Variants in TENM3 observed in about 807,000 individuals in gnomAD.
The protein encoded by TENM3 is teneurin transmembrane protein 3, also known as teneurin-3.
TENM3 carries 63 observed loss-of-function variants against 255.1 expected under a neutral mutation model. The ratio of observed to expected loss-of-function variants is 0.25; its 90% CI spans 0.20 to 0.30. The LOEUF is 0.30. Among genes scored for constraint, TENM3 ranks in the 10% least tolerant of loss-of-function variants. The probability of loss-of-function intolerance (pLI) is 1.00; values close to 1 mark genes in which losing one functional copy is unlikely to be tolerated. For synonymous variants in TENM3, 1,306 were observed against 1,322.3 expected, an observed-to-expected ratio of 0.99 and a Z score of 0.27; for missense variants, 2,929 against 3,461.1, an observed-to-expected ratio of 0.85 and a Z score of 3.86.
chr4:181,569,418 AT>A, the TENM3 span, among the ~76,000 whole-genome samples: 1 of 152,150 alleles, frequency 6.6e-6, no homozygotes, highest in African/African-American at 2.4e-5. Flanking sequence ...TTGTGTGTAC[AT>A]TTTTATTTCC....
chr4:182,595,777 A>G (rs1189133862), intron 3 of TENM3, among the ~76,000 whole-genome samples: 3 of 152,036 alleles, frequency 2.0e-5, no homozygotes, highest in Non-Finnish European at 4.4e-5. Flanking sequence ...TACCTTTTCT[A>G]AAATATCTAA....
chr4:181,946,436 C>T, the TENM3 span, among the ~76,000 whole-genome samples: 1 of 152,142 alleles, frequency 6.6e-6, no homozygotes, highest in East Asian at 1.9e-4. Context: ...GCTCTAAGGA[C>T]ACCTCTTTCA....
At chr4:181,449,542 C>A in the TENM3 span, among the ~76,000 whole-genome samples, 1 of 152,026 alleles carries the variant, frequency 6.6e-6, no homozygotes, top group Admixed American at 6.6e-5. Context: ...CCAACACTTT[C>A]GGAGACCGAG....
chr4:181,869,041 T>C, the TENM3 span, among the ~76,000 whole-genome samples: 1 of 152,162 alleles, frequency 6.6e-6, no homozygotes, highest in Non-Finnish European at 1.5e-5. Context: ...TCTTATACTA[T>C]TATTAAATGT....
the TENM3 span, among the ~76,000 whole-genome samples, chr4:181,768,594 C>T: frequency 6.6e-6 from 1 of 152,074 alleles, no homozygotes; most frequent in East Asian, 1.9e-4. Context: ...TAGTTTTTTT[C>T]CCTCATTAGC....
the TENM3 span, among the ~76,000 whole-genome samples, chr4:181,945,127 A>AT: frequency 3.4e-5 from 1 of 29,632 alleles, no homozygotes; most frequent in African/African-American, 2.0e-4. Flanking sequence ...TTGAGAAAGG[A>AT]ATGTGAATGG....
intron 3 of TENM3, among the ~76,000 whole-genome samples, chr4:182,460,067 G>T (rs897761890): frequency 2.0e-5 from 3 of 152,014 alleles, no homozygotes; most frequent in South Asian, 4.2e-4. Context: ...TTCTAACGAG[G>T]TACCTTGTTG....
At chr4:182,564,581 G>A (rs200018952) in intron 3 of TENM3, among the ~76,000 whole-genome samples, 1 of 137,364 alleles carries the variant, frequency 7.3e-6, no homozygotes. Context: ...TTTTTGTTTT[G>A]TTTTTTTTTT....
At chr4:182,327,020 G>C (rs1763457194) in intron 2 of TENM3, among the ~76,000 whole-genome samples, 1 of 152,174 alleles carries the variant, frequency 6.6e-6, no homozygotes, top group South Asian at 2.1e-4. Context: ...CGGAGTATTT[G>C]TAGCGGGAGT....
chr4:182,433,586 ATCACTTCG>A (rs1441912849), intron 3 of TENM3, among the ~76,000 whole-genome samples: 1 of 152,204 alleles, frequency 6.6e-6, no homozygotes, highest in Non-Finnish European at 1.5e-5. Flanking sequence ...ACTGAGAAAA[ATCACTTCG>A]TCAAGTGCAA....
At chr4:182,074,198 C>T in the TENM3 span, among the ~76,000 whole-genome samples, 2 of 152,176 alleles carry the variant, frequency 1.3e-5, no homozygotes, top group African/African-American at 4.8e-5. Flanking sequence ...AGATCACATC[C>T]AGGCTTTATA....
chr4:181,624,466 G>A, the TENM3 span, among the ~76,000 whole-genome samples: 1 of 152,204 alleles, frequency 6.6e-6, no homozygotes, highest in African/African-American at 2.4e-5. Context: ...ACAGCCTCAT[G>A]ACTGCAACAA....
At chr4:181,994,649 T>A in the TENM3 span, among the ~76,000 whole-genome samples, 2 of 150,452 alleles carry the variant, frequency 1.3e-5, no homozygotes, top group African/African-American at 4.9e-5. Flanking sequence ...ATCTATAAAC[T>A]GAACATTTTC....
the TENM3 span, among the ~76,000 whole-genome samples, chr4:182,061,246 C>G: frequency 6.6e-6 from 1 of 152,108 alleles, no homozygotes; most frequent in Non-Finnish European, 1.5e-5. Context: ...AGTGGGCTCC[C>G]AGTGAAAAAC....
the TENM3 span, among the ~76,000 whole-genome samples, chr4:181,918,465 C>T: frequency 1.8e-4 from 27 of 151,888 alleles, no homozygotes; most frequent in Admixed American, 7.9e-4. Flanking sequence ...ATTTTTTAAA[C>T]GAAAGAACAG....
At chr4:182,798,628 C>A (rs1766671132) in intron 27 of TENM3, among the ~76,000 whole-genome samples, 1 of 152,248 alleles carries the variant, frequency 6.6e-6, no homozygotes. Flanking sequence ...TGCATTTGAA[C>A]ATGCACTTCC....
intron 1 of TENM3, among the ~76,000 whole-genome samples, chr4:182,174,533 A>ACACAC (rs775310288): frequency 1.5e-3 from 159 of 106,454 alleles, no homozygotes; most frequent in African/African-American, 4.9e-3. Context: ...CACACACACA[A>ACACAC]ACACACACTT....
At chr4:182,209,160 G>A (rs1285584997) in intron 1 of TENM3, among the ~76,000 whole-genome samples, 1 of 150,948 alleles carries the variant, frequency 6.6e-6, no homozygotes, top group Non-Finnish European at 1.5e-5. Context: ...TAGCAACGGG[G>A]TTTCACCACG....
At chr4:182,005,465 A>G in the TENM3 span, among the ~76,000 whole-genome samples, 14 of 152,206 alleles carry the variant, frequency 9.2e-5, no homozygotes, top group East Asian at 2.5e-3. Context: ...TGTTTTGGCT[A>G]CTGTAGACTT....
Sources: allele counts gnomAD v4.1 joint callset (sites outside exome capture counted in the v4.1 genomes callset), GRCh38; gene constraint gnomAD v4.1.1; transcripts MANE v1.5; gene names NCBI Gene and HGNC (gene_info 2026-07-23, HGNC 2026-07-21).